Variants in HOATZ observed in about 807,000 individuals in gnomAD.
HOATZ encodes HOATZ cilia and flagella associated protein.
A neutral mutation model predicts 24.9 loss-of-function variants in HOATZ; 26 were observed. The observed-to-expected ratio is 1.04, with a 90% confidence interval of 0.76 to 1.45. The LOEUF is 1.45. Ranked by LOEUF, HOATZ falls within the 40% of genes most tolerant of loss-of-function variation. The pLI is 0.00. For missense variants in HOATZ, 226 were observed against 201.5 expected (o/e 1.12, Z -0.74); for synonymous variants, 83 against 76.6 (o/e 1.08, Z -0.43).
In HOATZ at chr11:111,519,197, A is replaced by C. The variant is rs12278653; in HGVS notation, c.339+3087A>C. The C allele has an allele frequency of 9.0e-3, 2,619 of 289,548 alleles. 63 individuals are homozygous for C. Among genetic ancestry groups the C allele is most frequent in the African/African-American group, 0.052 (2,382 of 45,952 alleles). The allele number at this position is 289,548 out of a possible 1,614,324, so 17.9% of individuals were successfully genotyped here. On this transcript the variant is annotated intron_variant, in intron 3 of 5. Coordinates refer to ENST00000375618, the MANE Select transcript of HOATZ (RefSeq NM_001100388.2). ...TCATAGAGTGATGTAAGGTATGTGA[A>C]GTGCCTGGCCACAGTTTACCCTCAA...
intron 4 of HOATZ, 37 bp from the exon 5 acceptor site, chr11:111,534,375 A>G (rs1292921876): frequency 3.3e-6 from 5 of 1,522,236 alleles, no homozygotes; most frequent in Non-Finnish European, 4.6e-6. Flanking sequence ...AAGAAGTAAA[A>G]TTTTACCTTT....
chr11:111,530,470 A>G (rs669383), intron 3 of HOATZ, among the ~76,000 whole-genome samples: 136,607 of 152,244 alleles, frequency 0.9, 62,243 homozygotes, highest in East Asian at 1. Context: ...AACCATCTAT[A>G]ACACATTAAA....
intron 3 of HOATZ, among the ~76,000 whole-genome samples, chr11:111,529,274 G>A (rs754346549): frequency 6.6e-6 from 1 of 152,096 alleles, no homozygotes; most frequent in Non-Finnish European, 1.5e-5. Flanking sequence ...ATTACTAAAG[G>A]CATGATCACT....
chr11:111,523,205 C>CTTTTT (rs747393521), intron 3 of HOATZ, among the ~76,000 whole-genome samples: 10 of 94,246 alleles, frequency 1.1e-4, no homozygotes, highest in East Asian at 2.9e-4. Flanking sequence ...TAAGTGTTCA[C>CTTTTT]TTTTTTTTTT....
At chr11:111,533,326 T>A (rs1303546579) in intron 3 of HOATZ, among the ~76,000 whole-genome samples, 1 of 152,180 alleles carries the variant, frequency 6.6e-6, no homozygotes, top group Non-Finnish European at 1.5e-5. Context: ...ACCTATACAG[T>A]GGAGTAATAG....
At chr11:111,534,533 TC>T (rs1305013983) in intron 5 of HOATZ, 69 bp downstream of exon 5, 5 of 1,256,352 alleles carry the variant, frequency 4.0e-6, no homozygotes, top group Middle Eastern at 3.8e-4. Flanking sequence ...ATTTCTTTTT[TC>T]TTACTTTGCC....
intron 5 of HOATZ, chr11:111,535,173 T>C (rs1867437368): frequency 6.6e-6 from 1 of 152,232 alleles, no homozygotes; most frequent in Admixed American, 6.5e-5. Context: ...TAACTGCCTT[T>C]AATGCTGTCA....
intron 3 of HOATZ, among the ~76,000 whole-genome samples, chr11:111,532,497 A>G (rs1867404336): frequency 6.6e-6 from 1 of 152,230 alleles, no homozygotes; most frequent in African/African-American, 2.4e-5. Flanking sequence ...AGAGAATGCC[A>G]TGTGACAACA....
Position 111,536,791 on chromosome 11 carries a change from T to C in HOATZ, c.474T>C (p.Asp158=). 1 of 1,613,734 alleles carries C rather than the reference T, an allele frequency of 6.2e-7. No homozygotes were observed. The highest frequency in any genetic ancestry group is 8.5e-7 in the Non-Finnish European group (1 of 1,179,766). The change falls in exon 6 of 6, where the codon GAT becomes GAC. Residue 158 remains aspartate (D), a synonymous_variant. Transcript: ENST00000375618. ...HKAKKVVSES[D]KEDQEEVKTL... ...ACAGGAAAGTGGTATCAGAGTCAGA[T>C]AAAGAGGACCAAGAAGAAGTCAAAA...
chr11:111,531,334 A>G (rs1034045684), intron 3 of HOATZ, among the ~76,000 whole-genome samples: 1 of 152,166 alleles, frequency 6.6e-6, no homozygotes, highest in Admixed American at 6.5e-5. Flanking sequence ...AAATCCATTG[A>G]GTATCACATA....
At chr11:111,532,064 C>G (rs992142655) in intron 3 of HOATZ, among the ~76,000 whole-genome samples, 1 of 152,152 alleles carries the variant, frequency 6.6e-6, no homozygotes, top group African/African-American at 2.4e-5. Context: ...GACATCACCT[C>G]CCCTGGGACA....
At chr11:111,525,676 G>A (rs1394210194) in intron 3 of HOATZ, among the ~76,000 whole-genome samples, 1 of 152,204 alleles carries the variant, frequency 6.6e-6, no homozygotes, top group Non-Finnish European at 1.5e-5. Context: ...TGAATCATGG[G>A]CCCAAAAGAT....
chr11:111,531,804 C>G (rs1867396071), intron 3 of HOATZ, among the ~76,000 whole-genome samples: 1 of 152,168 alleles, frequency 6.6e-6, no homozygotes. Context: ...GCACCCAGTT[C>G]ACCAGCCAAG....
chr11:111,525,498 G>T (rs775400091), intron 3 of HOATZ, among the ~76,000 whole-genome samples: 1 of 152,164 alleles, frequency 6.6e-6, no homozygotes, highest in Non-Finnish European at 1.5e-5. Context: ...ACATGTGGGC[G>T]CCCTGCACTG....
At chr11:111,530,535 A>AT (rs979420331) in intron 3 of HOATZ, among the ~76,000 whole-genome samples, 1 of 152,146 alleles carries the variant, frequency 6.6e-6, no homozygotes, top group Admixed American at 6.5e-5. Flanking sequence ...TTCACAATTT[A>AT]TTTTTTCAGG....
At chr11:111,525,770 G>A (rs1338670473) in intron 3 of HOATZ, among the ~76,000 whole-genome samples, 1 of 152,200 alleles carries the variant, frequency 6.6e-6, no homozygotes, top group East Asian at 1.9e-4. Flanking sequence ...CATTGTGCTA[G>A]GAACTGGCAT....
intron 5 of HOATZ, chr11:111,535,959 G>C (rs1293642443): frequency 6.6e-6 from 1 of 152,152 alleles, no homozygotes; most frequent in Non-Finnish European, 1.5e-5. Flanking sequence ...CTGGCCTCTA[G>C]TTACTCTTTG....
At chr11:111,522,785 C>A (rs1867284071) in intron 3 of HOATZ, among the ~76,000 whole-genome samples, 1 of 151,984 alleles carries the variant, frequency 6.6e-6, no homozygotes, top group Non-Finnish European at 1.5e-5. Context: ...ATATCCGTAG[C>A]ACTTGCATGT....
At chr11:111,515,777 T>A (rs1358924629) in intron 2 of HOATZ, among the ~76,000 whole-genome samples, 1 of 152,230 alleles carries the variant, frequency 6.6e-6, no homozygotes, top group Non-Finnish European at 1.5e-5. Flanking sequence ...GCAGATATGC[T>A]CTCTTTCGAG....
Sources: gnomAD v4.1 joint callset for allele counts (sites outside exome capture counted in the v4.1 genomes callset) on GRCh38, gnomAD v4.1.1 for gene constraint, MANE v1.5 for transcripts, NCBI Gene and HGNC (gene_info 2026-07-23, HGNC 2026-07-21) for gene names.